The following TBC1D19 variants were observed in gnomAD, a reference collection of about 807,000 sequenced individuals.
The protein encoded by TBC1D19 is TBC1 domain family member 19.
Under a neutral mutation model 89.0 loss-of-function variants are expected in TBC1D19, and 60 were observed. The observed-to-expected ratio is 0.67, with a 90% confidence interval of 0.55 to 0.84. The LOEUF is 0.84. Among genes scored for constraint, TBC1D19 ranks in the 40% least tolerant of loss-of-function variants. TBC1D19 has a pLI of 0.00. For missense variants in TBC1D19, 500 were observed against 610.8 expected, an observed-to-expected ratio of 0.82 and a Z score of 1.91; for synonymous variants, 189 against 199.7, an observed-to-expected ratio of 0.95 and a Z score of 0.45.
chr4:26,749,450 T>G (rs74287224), intron 19 of TBC1D19, among the ~76,000 whole-genome samples: 2,829 of 18,038 alleles, frequency 0.16, 81 homozygotes, highest in South Asian at 0.26. Flanking sequence ...TTCGGGTTGT[T>G]TTTTTTTTTT....
chr4:26,838,848 T>C, the TBC1D19 span, among the ~76,000 whole-genome samples: 3 of 152,350 alleles, frequency 2.0e-5, no homozygotes, highest in Middle Eastern at 3.4e-3. Context: ...ATAGGGAATA[T>C]TTGACCAAGT....
intron 13 of TBC1D19, among the ~76,000 whole-genome samples, chr4:26,710,787 G>A (rs1327514716): frequency 6.6e-6 from 1 of 152,178 alleles, no homozygotes; most frequent in East Asian, 1.9e-4. Flanking sequence ...CAGTGATGAT[G>A]AGCATTTTTT....
the TBC1D19 span, among the ~76,000 whole-genome samples, chr4:26,822,090 C>T: frequency 6.6e-6 from 1 of 152,240 alleles, no homozygotes; most frequent in Non-Finnish European, 1.5e-5. Flanking sequence ...AACTTGAAAG[C>T]TGTCCCTCAT....
chr4:26,577,482 A>G (rs933798196), intron 1 of TBC1D19, among the ~76,000 whole-genome samples: 12 of 152,344 alleles, frequency 7.9e-5, no homozygotes, highest in South Asian at 4.1e-4. Context: ...CTCCTGGGGA[A>G]AATTGGAAAT....
the TBC1D19 span, among the ~76,000 whole-genome samples, chr4:26,819,366 C>CT: frequency 1.3e-5 from 2 of 152,138 alleles, no homozygotes; most frequent in Non-Finnish European, 2.9e-5. Context: ...TGCTTCAGCT[C>CT]TGGGGTGGTT....
At chr4:26,626,794 T>C (rs1742435211) in intron 4 of TBC1D19, among the ~76,000 whole-genome samples, 1 of 151,562 alleles carries the variant, frequency 6.6e-6, no homozygotes. Context: ...AAATTTCCAA[T>C]ACCTTGAGGA....
At chr4:26,760,815 AT>A (rs1252465613), downstream of TBC1D19, among the ~76,000 whole-genome samples, 5 of 152,006 alleles carry the variant, frequency 3.3e-5, no homozygotes, top group Non-Finnish European at 5.9e-5. Context: ...AGTCACAAAT[AT>A]TTTTTTCCCT....
At chr4:26,601,234 T>A (rs536297381) in intron 1 of TBC1D19, among the ~76,000 whole-genome samples, 1 of 152,312 alleles carries the variant, frequency 6.6e-6, no homozygotes, top group East Asian at 1.9e-4. Flanking sequence ...TTCTACGGTC[T>A]GTCTCTATGA....
At chr4:26,664,183 G>A (rs1711584637) in intron 8 of TBC1D19, among the ~76,000 whole-genome samples, 2 of 152,180 alleles carry the variant, frequency 1.3e-5, no homozygotes, top group East Asian at 1.9e-4. Flanking sequence ...TGCTTGGGTA[G>A]AGGTTGATAA....
intron 15 of TBC1D19, among the ~76,000 whole-genome samples, chr4:26,721,197 A>T (rs1365494534): frequency 6.6e-6 from 1 of 151,984 alleles, no homozygotes; most frequent in East Asian, 1.9e-4. Context: ...TACCTCTCCC[A>T]TAACTACCTA....
the TBC1D19 span, among the ~76,000 whole-genome samples, chr4:26,807,009 T>C: frequency 6.6e-6 from 1 of 152,190 alleles, no homozygotes. Flanking sequence ...CCTAGGAAAC[T>C]AATATAACAC....
At position 26,688,660 on chromosome 4, in the gene TBC1D19, C is replaced by G. The variant is rs117412328; in HGVS notation, c.954+253C>G. On this transcript the variant is annotated intron_variant, in intron 13 of 20. Transcript: ENST00000264866. Reference sequence around the variant, plus strand: ...GAGGTATTATTGGCAGGTAAGTTTTCTATCTTTGTTATTGGCATAGATGCT... The same window carrying G: ...GAGGTATTATTGGCAGGTAAGTTTTGTATCTTTGTTATTGGCATAGATGCT... Among the ~76,000 whole-genome samples the G allele has an allele frequency of 4.1e-3, 626 of 152,130 alleles. 14 individuals carry two copies. In the East Asian group the frequency reaches 0.066, roughly 16 times the overall value.
intron 4 of TBC1D19, among the ~76,000 whole-genome samples, chr4:26,622,224 C>G (rs979736434): frequency 1.8e-4 from 24 of 129,874 alleles, no homozygotes; most frequent in Admixed American, 1.5e-3. Flanking sequence ...TACACATGTA[C>G]CCTAAAACTT....
chr4:26,788,731 C>A, the TBC1D19 span, among the ~76,000 whole-genome samples: 1 of 152,122 alleles, frequency 6.6e-6, no homozygotes, highest in Admixed American at 6.5e-5. Context: ...GCCACCAGCC[C>A]CTTCCCTCCT....
chr4:26,616,939 C>T lies in TBC1D19; in HGVS notation c.218+2486C>T, dbSNP rs1373087455. ...TATGCCAACACTTTATATGCATTGG[C>T]TTATTCCATATAATCTTCATTACAA... On this transcript the variant is annotated intron_variant, in intron 3 of 20. Transcript: ENST00000264866. Among the ~76,000 whole-genome samples, 5 of 152,124 alleles carry T rather than the reference C, an allele frequency of 3.3e-5. No individual in the cohort carries two copies. The East Asian group carries it at 7.7e-4, about 23-fold the overall frequency.
At chr4:26,655,790 A>G (rs1429768856) in intron 7 of TBC1D19, among the ~76,000 whole-genome samples, 1 of 152,190 alleles carries the variant, frequency 6.6e-6, no homozygotes, top group Non-Finnish European at 1.5e-5. Context: ...CTTGGCTAGG[A>G]AAGGGAATTC....
At chr4:26,737,270 T>C (rs1023897189) in intron 16 of TBC1D19, among the ~76,000 whole-genome samples, 2 of 152,216 alleles carry the variant, frequency 1.3e-5, no homozygotes, top group Non-Finnish European at 2.9e-5. Flanking sequence ...TAATACATAA[T>C]GTTATAGAGA....
chr4:26,653,533 C>G (rs772372411), intron 7 of TBC1D19, among the ~76,000 whole-genome samples: 3 of 152,096 alleles, frequency 2.0e-5, no homozygotes, highest in Non-Finnish European at 4.4e-5. Flanking sequence ...TGTCTCAGGA[C>G]TTGCTTTATG....
chr4:26,577,044 G>A (rs1303816987), intron 1 of TBC1D19, among the ~76,000 whole-genome samples: 1 of 152,140 alleles, frequency 6.6e-6, no homozygotes, highest in Non-Finnish European at 1.5e-5. Context: ...TCAGTTGAGG[G>A]CCTTAACAGC....
Sources: gnomAD v4.1 joint callset for allele counts (sites outside exome capture counted in the v4.1 genomes callset) on GRCh38, gnomAD v4.1.1 for gene constraint, MANE v1.5 for transcripts, NCBI Gene and HGNC (gene_info 2026-07-23, HGNC 2026-07-21) for gene names.